The following TSHZ3 variants were observed in gnomAD, a reference collection of about 807,000 sequenced individuals.
TSHZ3 encodes teashirt homolog 3.
In TSHZ3, 10 loss-of-function variants were observed where a neutral mutation model predicts 64.5. That is an observed-to-expected ratio of 0.16 (90% CI 0.10 to 0.26). TSHZ3 has a LOEUF of 0.26. Among genes scored for constraint, TSHZ3 ranks in the 10% least tolerant of loss-of-function variants. The probability of loss-of-function intolerance (pLI) is 1.00; values close to 1 mark genes in which losing one functional copy is unlikely to be tolerated. For missense variants in TSHZ3, 1,242 were observed against 1,421.7 expected (o/e 0.87, Z 2.03); for synonymous variants, 608 against 593.1 (o/e 1.03, Z -0.36).
intron 5 of TSHZ3, among the ~76,000 whole-genome samples, chr19:31,190,471 A>G (rs1034350973): frequency 3.3e-5 from 5 of 152,168 alleles, no homozygotes; most frequent in African/African-American, 7.2e-5. Context: ...GTATATTTCA[A>G]TCTCGGAAAA....
chr19:31,322,271 G>A (rs1916794842), intron 1 of TSHZ3, among the ~76,000 whole-genome samples: 1 of 152,082 alleles, frequency 6.6e-6, no homozygotes, highest in African/African-American at 2.4e-5. Flanking sequence ...AAGTATCTGG[G>A]ATTACAGGTT....
chr19:31,180,624 A>G (rs1974697666), intron 5 of TSHZ3, among the ~76,000 whole-genome samples: 1 of 152,236 alleles, frequency 6.6e-6, no homozygotes, highest in Non-Finnish European at 1.5e-5. Context: ...ATACAGAAAC[A>G]CAAACCTGTC....
At chr19:31,172,900 C>G (rs1483021929) in intron 5 of TSHZ3, among the ~76,000 whole-genome samples, 1 of 152,136 alleles carries the variant, frequency 6.6e-6, no homozygotes, top group African/African-American at 2.4e-5. Context: ...CCTGGCACAG[C>G]AGTAGGTCAG....
intron 1 of TSHZ3, among the ~76,000 whole-genome samples, chr19:31,302,525 A>T (rs945964469): frequency 6.6e-6 from 1 of 152,246 alleles, no homozygotes; most frequent in African/African-American, 2.4e-5. Context: ...TCTTTTAAGA[A>T]ATTCTATATT....
intron 1 of TSHZ3, among the ~76,000 whole-genome samples, chr19:31,341,637 AC>A (rs1917441943): frequency 1.2e-5 from 1 of 86,188 alleles, no homozygotes; most frequent in African/African-American, 8.9e-5. Flanking sequence ...TCTGACACAC[AC>A]ACACACACAC....
intron 4 of TSHZ3, among the ~76,000 whole-genome samples, chr19:31,220,469 C>T (rs532422547): frequency 6.6e-6 from 1 of 152,274 alleles, no homozygotes; most frequent in African/African-American, 2.4e-5. Flanking sequence ...TATTTTGGGT[C>T]TCATCTAACT....
chr19:31,326,426 C>A (rs998004934), intron 1 of TSHZ3, among the ~76,000 whole-genome samples: 3 of 152,244 alleles, frequency 2.0e-5, no homozygotes, highest in Non-Finnish European at 4.4e-5. Flanking sequence ...ACTGTCAAAT[C>A]TTTCAGGGCT....
chr19:31,262,442 T>A (rs1975992137), intron 1 of TSHZ3, among the ~76,000 whole-genome samples: 1 of 152,186 alleles, frequency 6.6e-6, no homozygotes, highest in Non-Finnish European at 1.5e-5. Flanking sequence ...CCACTCCACC[T>A]CTTAAAAATC....
At chr19:31,287,176 G>A (rs924749149) in intron 1 of TSHZ3, among the ~76,000 whole-genome samples, 4 of 152,100 alleles carry the variant, frequency 2.6e-5, no homozygotes, top group South Asian at 4.1e-4. Context: ...GGGTGTGGGT[G>A]GAAAGAAAGG....
chr19:31,297,338 G>A (rs748918221), intron 1 of TSHZ3, among the ~76,000 whole-genome samples: 1 of 152,218 alleles, frequency 6.6e-6, no homozygotes, highest in Non-Finnish European at 1.5e-5. Context: ...TGTGCAGTGA[G>A]ACCTCTCTGG....
exon 3 of TSHZ3, among the ~76,000 whole-genome samples, chr19:31,242,383 G>C (rs948711818): frequency 3.3e-5 from 5 of 152,312 alleles, no homozygotes; most frequent in African/African-American, 1.2e-4. Flanking sequence ...AGAAGCCAGA[G>C]GTGTAGCTTG....
chr19:31,299,607 C>T (rs1038288668), intron 1 of TSHZ3, among the ~76,000 whole-genome samples: 1 of 152,118 alleles, frequency 6.6e-6, no homozygotes, highest in Non-Finnish European at 1.5e-5. Flanking sequence ...GGGGAGAAGT[C>T]GGGCCCTGGG....
chr19:31,340,893 C>A (rs1317078184), intron 1 of TSHZ3, among the ~76,000 whole-genome samples: 1 of 152,274 alleles, frequency 6.6e-6, no homozygotes, highest in Non-Finnish European at 1.5e-5. Flanking sequence ...CCTGCCTTCA[C>A]AGGCTCTGGA....
chr19:31,323,318 G>A (rs1301698377), intron 1 of TSHZ3, among the ~76,000 whole-genome samples: 3 of 152,138 alleles, frequency 2.0e-5, no homozygotes, highest in African/African-American at 7.2e-5. Flanking sequence ...ATGGCATTCA[G>A]CACTCTTTAC....
At chr19:31,301,382 G>C (rs531928407) in intron 1 of TSHZ3, among the ~76,000 whole-genome samples, 3 of 152,300 alleles carry the variant, frequency 2.0e-5, no homozygotes, top group South Asian at 4.1e-4. Flanking sequence ...ATTTAACAGA[G>C]CAAATGACAG....
chr19:31,294,108 G>T (rs907586456), intron 1 of TSHZ3, among the ~76,000 whole-genome samples: 1 of 152,192 alleles, frequency 6.6e-6, no homozygotes, highest in Non-Finnish European at 1.5e-5. Context: ...TTGGAGAGAA[G>T]ATGTTCCCAG....
chr19:31,342,647 A>T (rs1264621616), intron 1 of TSHZ3, among the ~76,000 whole-genome samples: 1 of 152,236 alleles, frequency 6.6e-6, no homozygotes, highest in East Asian at 1.9e-4. Flanking sequence ...AATACATAGG[A>T]CTAGATTTAA....
At chr19:31,201,805 G>A (rs565019086) in intron 5 of TSHZ3, among the ~76,000 whole-genome samples, 1 of 152,304 alleles carries the variant, frequency 6.6e-6, no homozygotes, top group Non-Finnish European at 1.5e-5. Flanking sequence ...TTAAATGTTA[G>A]AAAGCACTGA....
At chr19:31,331,170 G>A (rs1449454200) in intron 1 of TSHZ3, among the ~76,000 whole-genome samples, 1 of 152,140 alleles carries the variant, frequency 6.6e-6, no homozygotes, top group East Asian at 1.9e-4. Context: ...AAGCATCAGA[G>A]ATTCAGAGGG....
Sources: gnomAD v4.1 joint callset for allele counts (sites outside exome capture counted in the v4.1 genomes callset) on GRCh38, gnomAD v4.1.1 for gene constraint, MANE v1.5 for transcripts, NCBI Gene and HGNC (gene_info 2026-07-23, HGNC 2026-07-21) for gene names.